Variants in MAP3K15 observed in about 807,000 individuals in gnomAD.
MAP3K15 encodes MAPK/ERK kinase kinase 15.
MAP3K15 carries 124 observed loss-of-function variants against 99.5 expected under a neutral mutation model. That is an observed-to-expected ratio of 1.25 (90% CI 1.08 to 1.45). The LOEUF (loss-of-function observed/expected upper bound fraction) is 1.45, where lower values mean the gene tolerates loss of function less well. Ranked by LOEUF, MAP3K15 falls within the 40% of genes most tolerant of loss-of-function variation. The pLI is 0.00. For synonymous variants in MAP3K15, 494 were observed against 439.6 expected (o/e 1.12, Z -1.55); for missense variants, 1,242 against 1,079.7 (o/e 1.15, Z -2.11).
At chrX:19,470,761 A>C (rs1309133521) in intron 3 of MAP3K15, among the ~76,000 whole-genome samples, 2 of 112,261 alleles carry the variant, frequency 1.8e-5, no homozygotes, top group Admixed American at 9.5e-5. Context: ...AATACAGGAC[A>C]GTGTGATCCA....
Position 19,435,880 on chromosome X carries a change from G to A in MAP3K15, c.996-4272C>T, listed in dbSNP as rs191483573. 1.5e-3 allele frequency among the ~76,000 whole-genome samples: 169 copies of A among 112,500 alleles called. 1 individual carries two copies. Among genetic ancestry groups the A allele is most frequent in the African/African-American group, 4.7e-3 (146 of 31,018 alleles). ...ATTAGAATCACCTGGGAGGCTGGGC[G>A]TGGTGGCTCACGCCTGTAATCCCAG... On this transcript the variant is annotated intron_variant, in intron 6 of 28. Transcript: ENST00000338883.
intron 22 of MAP3K15, 22 bp downstream of exon 22, chrX:19,372,631 G>C (rs1281966636): frequency 8.4e-7 from 1 of 1,185,983 alleles, no homozygotes; most frequent in African/African-American, 1.7e-5. Context: ...GGAAGAGTCG[G>C]TGCCCTCCCT....
In MAP3K15 at chrX:19,380,422, C is replaced by T. The variant is rs917058489; in HGVS notation, c.2432-145G>A. On this transcript the variant is annotated intron_variant, in intron 18 of 28. Transcript: ENST00000338883. The stretch of plus-strand genomic sequence containing the variant: ...ACCAGCCTGGACAATGTAACAAGAC[C>T]TTGTCTCAAAAACAAAACAAAACAA... The T allele has an allele frequency of 1.4e-5, 8 of 563,096 alleles. No individual in the cohort carries two copies. The South Asian group carries it at 2.2e-4, about 15-fold the overall frequency. 46.4% of individuals were successfully genotyped at this position (563,096 alleles called of 1,213,427 possible).
At chrX:19,410,080 T>A in intron 11 of MAP3K15, 107 bp from the exon 12 acceptor site, 1 of 619,750 alleles carries the variant, frequency 1.6e-6, no homozygotes, top group Non-Finnish European at 2.6e-6. Flanking sequence ...CCTGCAGTGG[T>A]GATTTTTTTA....
intron 5 of MAP3K15, among the ~76,000 whole-genome samples, chrX:19,458,369 T>C (rs139260953): frequency 0.011 from 1,200 of 112,422 alleles, 20 homozygotes; most frequent in African/African-American, 0.036. Context: ...TCATCCCTAG[T>C]AGCAACTGCT....
At chrX:19,410,096 T>G (rs1456568669) in intron 11 of MAP3K15, 123 bp from the exon 12 acceptor site, 1 of 489,122 alleles carries the variant, frequency 2.0e-6, no homozygotes, top group East Asian at 3.7e-5. Flanking sequence ...TTTTACGGGT[T>G]ACAGCAATAC....
At chrX:19,503,380 G>C (rs1210020761) in intron 1 of MAP3K15, among the ~76,000 whole-genome samples, 2 of 111,860 alleles carry the variant, frequency 1.8e-5, no homozygotes, top group African/African-American at 6.5e-5. Flanking sequence ...ATCTTCCTCT[G>C]AACTTTAAGC....
At chrX:19,500,196 G>A (rs762327250) in intron 1 of MAP3K15, among the ~76,000 whole-genome samples, 5 of 111,825 alleles carry the variant, frequency 4.5e-5, no homozygotes, top group African/African-American at 9.7e-5. Context: ...TCAGTGAGCC[G>A]AGATCGCGCC....
chrX:19,447,883 C>CAAAAAAAAAAA lies in MAP3K15; in HGVS notation c.995+9019_995+9029dup, dbSNP rs753152404. On this transcript the variant is annotated intron_variant, in intron 6 of 28. Coordinates refer to ENST00000338883, the MANE Select transcript of MAP3K15 (RefSeq NM_001001671.4). ...TGGGCGACAGAGCGAGACTCCGTCT[C>CAAAAAAAAAAA]AAAAAAAAAAAAAAAAAAAAAAGAA... Among the ~76,000 whole-genome samples the CAAAAAAAAAAA allele has an allele frequency of 3.3e-3, 85 of 25,953 alleles. 1 individual carries two copies. Among genetic ancestry groups the CAAAAAAAAAAA allele is most frequent in the African/African-American group, 9.1e-3 (77 of 8,474 alleles). The allele number at this position is 25,953 out of a possible 115,157, so 22.5% of individuals were successfully genotyped here.
rs1289755236 is a variant in MAP3K15, at chrX:19,383,566, T to C, written c.2432-3289A>G. 4.5e-5 allele frequency among the ~76,000 whole-genome samples: 5 copies of C among 111,878 alleles called. No homozygotes were observed. In the East Asian group the frequency reaches 1.4e-3, roughly 31 times the overall value. On this transcript the variant is annotated intron_variant, in intron 18 of 28. Coordinates refer to ENST00000338883, the MANE Select transcript of MAP3K15 (RefSeq NM_001001671.4). ...ACAACCCACAGAATGGGAGAAAATA[T>C]TTGCAAAATACCCCTCTGCCAGGAG...
intron 27 of MAP3K15, 24 bp from the exon 28 acceptor site, chrX:19,361,439 A>G (rs938175895): frequency 8.4e-6 from 10 of 1,187,520 alleles, no homozygotes; most frequent in Non-Finnish European, 1.1e-5. Flanking sequence ...CAGATCCTTA[A>G]GAGCTGAGCA....
chrX:19,421,867 A>G (rs1378382719), intron 9 of MAP3K15, among the ~76,000 whole-genome samples: 1 of 109,647 alleles, frequency 9.1e-6, no homozygotes, highest in Non-Finnish European at 1.9e-5. Context: ...GCCCTCAGAA[A>G]TAATGCCGCA....
chrX:19,423,912 C>G (rs2063807738), intron 9 of MAP3K15, among the ~76,000 whole-genome samples: 1 of 111,365 alleles, frequency 9.0e-6, no homozygotes, highest in Admixed American at 9.6e-5. Flanking sequence ...TGACCCATCC[C>G]CAATAAAAAC....
chrX:19,499,304 GA>G (rs1366461691), intron 1 of MAP3K15, among the ~76,000 whole-genome samples: 1 of 112,236 alleles, frequency 8.9e-6, no homozygotes, highest in Non-Finnish European at 1.9e-5. Context: ...TGAAGCCACT[GA>G]AACTGTCACA....
At chrX:19,484,582 T>C (rs2064310732) in intron 3 of MAP3K15, among the ~76,000 whole-genome samples, 1 of 111,663 alleles carries the variant, frequency 9.0e-6, no homozygotes, top group Non-Finnish European at 1.9e-5. Flanking sequence ...GAGGGAGGTA[T>C]GTAGTGGAAT....
At chrX:19,490,456 A>T (rs765791999) in intron 1 of MAP3K15, among the ~76,000 whole-genome samples, 1 of 111,250 alleles carries the variant, frequency 9.0e-6, no homozygotes, top group Non-Finnish European at 1.9e-5. Flanking sequence ...AACAACATAT[A>T]ACGTGCCCTG....
chrX:19,472,624 T>C (rs191012516), intron 3 of MAP3K15, among the ~76,000 whole-genome samples: 115 of 111,648 alleles, frequency 1.0e-3, no homozygotes, highest in African/African-American at 3.4e-3. Flanking sequence ...AATATAACTC[T>C]CTCTCTCCCC....
chrX:19,457,749 A>G (rs920575036), intron 5 of MAP3K15, among the ~76,000 whole-genome samples: 1 of 112,117 alleles, frequency 8.9e-6, no homozygotes, highest in African/African-American at 3.2e-5. Flanking sequence ...AATCAAATAC[A>G]TTAATCTAAA....
At chrX:19,474,691 C>T (rs1350286394) in intron 3 of MAP3K15, among the ~76,000 whole-genome samples, 1 of 110,660 alleles carries the variant, frequency 9.0e-6, no homozygotes, top group Non-Finnish European at 1.9e-5. Flanking sequence ...TTGTTGGTAA[C>T]AGGAGTCACA....
Sources: gnomAD v4.1 joint callset for allele counts (sites outside exome capture counted in the v4.1 genomes callset) on GRCh38, gnomAD v4.1.1 for gene constraint, MANE v1.5 for transcripts, NCBI Gene and HGNC (gene_info 2026-07-23, HGNC 2026-07-21) for gene names.